The following AGTPBP1 variants were observed in gnomAD, a reference collection of about 807,000 sequenced individuals.
AGTPBP1 encodes the protein cytosolic carboxypeptidase 1.
Under a neutral mutation model 143.9 loss-of-function variants are expected in AGTPBP1, and 70 were observed. The observed-to-expected ratio is 0.49, with a 90% confidence interval of 0.40 to 0.59. The LOEUF (loss-of-function observed/expected upper bound fraction) is 0.59. AGTPBP1 is among the 20% of genes least tolerant of loss of function. The pLI is 0.00. For synonymous variants in AGTPBP1, 463 were observed against 500.2 expected, an observed-to-expected ratio of 0.93 and a Z score of 0.99; for missense variants, 1,229 against 1,464.5, an observed-to-expected ratio of 0.84 and a Z score of 2.62.
intron 14 of AGTPBP1, among the ~76,000 whole-genome samples, chr9:85,622,694 A>C (rs1257164963): frequency 6.6e-6 from 1 of 152,212 alleles, no homozygotes; most frequent in Non-Finnish European, 1.5e-5. Context: ...TTCTTGATGT[A>C]AGTTTAATGT....
chr9:85,634,113 G>C (rs150392983), intron 13 of AGTPBP1, among the ~76,000 whole-genome samples: 105 of 145,764 alleles, frequency 7.2e-4, no homozygotes, highest in African/African-American at 2.3e-3. Flanking sequence ...AGAATCACTT[G>C]AACCCAGGAG....
At chr9:85,677,689 AAAACTGATGACCTCTAAAATC>A in intron 5 of AGTPBP1, 107 bp from the exon 6 acceptor site, 1 of 932,244 alleles carries the variant, frequency 1.1e-6, no homozygotes, top group Non-Finnish European at 1.5e-6. Context: ...AGAAATGGTT[AAAACTGATGACCTCTAAAATC>A]AAACAAATAA....
intron 2 of AGTPBP1, among the ~76,000 whole-genome samples, chr9:85,708,552 G>A (rs1837165415): frequency 6.6e-6 from 1 of 152,118 alleles, no homozygotes; most frequent in Admixed American, 6.5e-5. Context: ...TTGTTTGTTT[G>A]TTTTTTGAGA....
chr9:85,706,653 G>A (rs1587944710), intron 2 of AGTPBP1, among the ~76,000 whole-genome samples: 1 of 151,980 alleles, frequency 6.6e-6, no homozygotes, highest in Non-Finnish European at 1.5e-5. Context: ...GGCGGATCAC[G>A]ACATCAGGAG....
At chr9:85,572,034 TTTTTTTTTTTG>T in intron 25 of AGTPBP1, among the ~76,000 whole-genome samples, 1 of 56,446 alleles carries the variant, frequency 1.8e-5, no homozygotes, top group African/African-American at 8.4e-5. Flanking sequence ...TTTTTTTTTT[TTTTTTTTTTTG>T]AGGCACAGTT....
chr9:85,603,067 T>G (rs1829770021), intron 17 of AGTPBP1, among the ~76,000 whole-genome samples: 2 of 152,158 alleles, frequency 1.3e-5, no homozygotes, highest in African/African-American at 4.8e-5. Flanking sequence ...CTACATAAAC[T>G]TGAAAGGCAG....
At chr9:85,684,453 G>T (rs1000906809) in intron 3 of AGTPBP1, among the ~76,000 whole-genome samples, 3 of 151,452 alleles carry the variant, frequency 2.0e-5, no homozygotes, top group African/African-American at 7.3e-5. Context: ...CAACATATCA[G>T]TTGTTCCCTC....
chr9:85,641,647 A>T (rs76136016), intron 13 of AGTPBP1, among the ~76,000 whole-genome samples: 1 of 152,056 alleles, frequency 6.6e-6, no homozygotes, highest in Admixed American at 6.6e-5. Flanking sequence ...CTAAGTTCCC[A>T]AGCTGAAACC....
intron 17 of AGTPBP1, among the ~76,000 whole-genome samples, chr9:85,614,445 A>G (rs1830493259): frequency 6.6e-6 from 1 of 152,090 alleles, no homozygotes; most frequent in Non-Finnish European, 1.5e-5. Flanking sequence ...TAAGAAAACT[A>G]AAAAACATAG....
chr9:85,802,790 T>C, the AGTPBP1 span, among the ~76,000 whole-genome samples: 37 of 152,348 alleles, frequency 2.4e-4, no homozygotes, highest in African/African-American at 7.0e-4. Context: ...CTTGTGGTCA[T>C]CTGCATAATT....
intron 3 of AGTPBP1, among the ~76,000 whole-genome samples, chr9:85,684,871 A>G (rs1473394234): frequency 6.6e-6 from 1 of 152,082 alleles, no homozygotes; most frequent in East Asian, 1.9e-4. Context: ...CAGCTATTAT[A>G]ATAAATGACA....
Position 85,741,886 on chromosome 9 carries a change from CCGGTGGCAGGCGAGGCGGAGGCGGCGG to C in AGTPBP1, c.-172_-146del. Reference sequence around the variant, plus strand: ...GCCGCCCGGTGTTTTCATACAAACCCCGGTGGCAGGCGAGGCGGAGGCGGCGGCGGCGGCAGCTGCGGCGGCGGCGCT... The same window carrying C: ...GCCGCCCGGTGTTTTCATACAAACCCCGGCGGCAGCTGCGGCGGCGGCGCT... On this transcript the variant is annotated 5_prime_UTR_variant, in exon 1 of 26. Transcript: ENST00000357081. The C allele has an allele frequency of 7.3e-7, 1 of 1,375,180 alleles. No homozygotes were observed. Among genetic ancestry groups the C allele is most frequent in the Non-Finnish European group, 9.4e-7 (1 of 1,065,516 alleles). 85.2% of individuals were successfully genotyped at this position (1,375,180 alleles called of 1,614,324 possible).
At chr9:85,686,923 A>C (rs1393333613) in intron 3 of AGTPBP1, among the ~76,000 whole-genome samples, 1 of 152,200 alleles carries the variant, frequency 6.6e-6, no homozygotes, top group Non-Finnish European at 1.5e-5. Context: ...AAATGCATTA[A>C]ATTGGAAGCA....
intron 25 of AGTPBP1, among the ~76,000 whole-genome samples, chr9:85,565,242 T>C (rs941186405): frequency 1.3e-5 from 2 of 152,224 alleles, no homozygotes; most frequent in East Asian, 3.8e-4. Context: ...TTATTTGATA[T>C]ACATTGCCTA....
chr9:85,788,989 A>G, the AGTPBP1 span, among the ~76,000 whole-genome samples: 610 of 152,102 alleles, frequency 4.0e-3, 11 homozygotes, highest in East Asian at 4.0e-3. Flanking sequence ...CTACTTGCTC[A>G]AGAAATTAAC....
the AGTPBP1 span, among the ~76,000 whole-genome samples, chr9:85,751,591 G>A: frequency 6.6e-6 from 1 of 152,024 alleles, no homozygotes; most frequent in East Asian, 1.9e-4. Context: ...TAAACCCCTA[G>A]AAGGCACCAT....
chr9:85,766,729 T>C, the AGTPBP1 span, among the ~76,000 whole-genome samples: 1 of 152,126 alleles, frequency 6.6e-6, no homozygotes, highest in African/African-American at 2.4e-5. Context: ...GCTCTGCTCT[T>C]ATCACGATTT....
chr9:85,687,267 T>C (rs139234701), intron 3 of AGTPBP1, among the ~76,000 whole-genome samples: 1 of 152,108 alleles, frequency 6.6e-6, no homozygotes, highest in Non-Finnish European at 1.5e-5. Context: ...TAAAAAGATA[T>C]ACAATTTAAT....
At chr9:85,685,794 T>A (rs901092132) in intron 3 of AGTPBP1, among the ~76,000 whole-genome samples, 1 of 152,136 alleles carries the variant, frequency 6.6e-6, no homozygotes, top group Non-Finnish European at 1.5e-5. Context: ...AATTGTGTTG[T>A]AATGTATACA....
Sources: allele counts gnomAD v4.1 joint callset (sites outside exome capture counted in the v4.1 genomes callset), GRCh38; gene constraint gnomAD v4.1.1; transcripts MANE v1.5; gene names NCBI Gene and HGNC (gene_info 2026-07-23, HGNC 2026-07-21).